ARPP21: variants seen among roughly 807,000 people sequenced by gnomAD.
ARPP21 encodes cAMP regulated phosphoprotein 21, also known as cAMP-regulated phosphoprotein 21.
ARPP21 carries 69 observed loss-of-function variants against 113.2 expected under a neutral mutation model. That is an observed-to-expected ratio of 0.61 (90% CI 0.50 to 0.74). The LOEUF (loss-of-function observed/expected upper bound fraction) is 0.74, where lower values mean the gene tolerates loss of function less well. Ranked by LOEUF, ARPP21 falls within the 30% of genes least tolerant of loss-of-function variation. The pLI is 0.00. For synonymous variants in ARPP21, 368 were observed against 375.5 expected, an observed-to-expected ratio of 0.98 and a Z score of 0.23; for missense variants, 1,070 against 1,037.4, an observed-to-expected ratio of 1.03 and a Z score of -0.43.
At chr3:35,676,823 C>A (rs1475036516) in intron 1 of ARPP21, among the ~76,000 whole-genome samples, 1 of 151,708 alleles carries the variant, frequency 6.6e-6, no homozygotes, top group African/African-American at 2.4e-5. Flanking sequence ...TTTAAAGGTT[C>A]AAAATCTTTC....
intron 19 of ARPP21, among the ~76,000 whole-genome samples, chr3:35,754,993 A>G (rs2095525369): frequency 6.6e-6 from 1 of 152,088 alleles, no homozygotes; most frequent in Non-Finnish European, 1.5e-5. Context: ...GGTGGCAAGT[A>G]AAGCATACAC....
intron 19 of ARPP21, among the ~76,000 whole-genome samples, chr3:35,758,169 T>G (rs1289607668): frequency 6.6e-6 from 1 of 152,094 alleles, no homozygotes; most frequent in Admixed American, 6.6e-5. Context: ...AACCACTCCT[T>G]GAGCCCTAGA....
chr3:35,657,700 A>C (rs947039591), intron 1 of ARPP21, among the ~76,000 whole-genome samples: 10 of 152,080 alleles, frequency 6.6e-5, no homozygotes, highest in African/African-American at 2.4e-4. Flanking sequence ...GAGTCCATGC[A>C]GATAGTCTCA....
At chr3:35,737,665 C>G (rs544783901) in intron 16 of ARPP21, among the ~76,000 whole-genome samples, 2 of 152,284 alleles carry the variant, frequency 1.3e-5, no homozygotes, top group East Asian at 3.9e-4. Flanking sequence ...CTCTCAGAGA[C>G]TGAACTCTAG....
intron 19 of ARPP21, among the ~76,000 whole-genome samples, chr3:35,778,121 A>C (rs2096425043): frequency 6.6e-6 from 1 of 152,238 alleles, no homozygotes; most frequent in African/African-American, 2.4e-5. Context: ...TTCCACTAAA[A>C]GCGTTGTTCA....
intron 13 of ARPP21, among the ~76,000 whole-genome samples, chr3:35,719,566 C>G (rs1193248977): frequency 6.6e-6 from 1 of 152,108 alleles, no homozygotes; most frequent in Admixed American, 6.6e-5. Flanking sequence ...TAGTGGTGGC[C>G]ACCTTCTTTA....
intron 19 of ARPP21, among the ~76,000 whole-genome samples, chr3:35,776,967 G>T (rs552664659): frequency 2.9e-4 from 44 of 152,194 alleles, no homozygotes; most frequent in African/African-American, 8.2e-4. Flanking sequence ...TGCTACTAGG[G>T]ATTAAAATTT....
At chr3:35,650,880 G>C (rs1447802950) in intron 1 of ARPP21, among the ~76,000 whole-genome samples, 1 of 152,076 alleles carries the variant, frequency 6.6e-6, no homozygotes. Context: ...CACAGTTTAA[G>C]GTACCTGATC....
intron 10 of ARPP21, among the ~76,000 whole-genome samples, chr3:35,708,595 A>T (rs2090046802): frequency 6.6e-6 from 1 of 152,200 alleles, no homozygotes; most frequent in Non-Finnish European, 1.5e-5. Context: ...TTTCACCGGC[A>T]TTCTGCCTCC....
chr3:35,709,135 C>A, intron 11 of ARPP21, 65 bp downstream of exon 11: 2 of 1,092,224 alleles, frequency 1.8e-6, no homozygotes, highest in South Asian at 1.4e-5. Context: ...CTTCCTCATT[C>A]CCCAGACAGC....
chr3:35,660,165 T>C (rs1353828107), intron 1 of ARPP21, among the ~76,000 whole-genome samples: 2 of 152,188 alleles, frequency 1.3e-5, no homozygotes, highest in African/African-American at 4.8e-5. Flanking sequence ...TAAATAATCA[T>C]GAGGTATCAC....
chr3:35,726,162 G>A (rs2093518800), intron 14 of ARPP21, among the ~76,000 whole-genome samples: 3 of 152,166 alleles, frequency 2.0e-5, no homozygotes, highest in Admixed American at 2.0e-4. Flanking sequence ...TATTTGTCAT[G>A]GTTATCATTA....
intron 1 of ARPP21, among the ~76,000 whole-genome samples, chr3:35,644,410 T>C (rs1364311763): frequency 6.6e-6 from 1 of 151,984 alleles, no homozygotes; most frequent in African/African-American, 2.4e-5. Context: ...TTAAATTATA[T>C]ACATAATATG....
intron 5 of ARPP21, among the ~76,000 whole-genome samples, chr3:35,686,745 A>G (rs1390095514): frequency 6.6e-6 from 1 of 151,686 alleles, no homozygotes; most frequent in Non-Finnish European, 1.5e-5. Context: ...TTACATAAGA[A>G]TAAGTGGGCT....
intron 1 of ARPP21, among the ~76,000 whole-genome samples, chr3:35,674,395 T>C (rs1356938508): frequency 6.6e-6 from 1 of 151,970 alleles, no homozygotes; most frequent in Non-Finnish European, 1.5e-5. Flanking sequence ...ACACAAGGAA[T>C]CATGAGGCCA....
intron 19 of ARPP21, among the ~76,000 whole-genome samples, chr3:35,758,477 A>G (rs985945893): frequency 6.6e-6 from 1 of 152,128 alleles, no homozygotes; most frequent in East Asian, 1.9e-4. Context: ...GTTAAAAATG[A>G]CACAATTCAA....
chr3:35,762,126 T>TCTCTCACA (rs1424526664), intron 19 of ARPP21, among the ~76,000 whole-genome samples: 3 of 126,956 alleles, frequency 2.4e-5, no homozygotes, highest in African/African-American at 8.3e-5. Flanking sequence ...TCTCTCTCTC[T>TCTCTCACA]CACACACACA....
At position 35,792,463 on chromosome 3, in the gene ARPP21, T is replaced by C; in HGVS notation, c.2219T>C (p.Ile740Thr). 6.2e-7 allele frequency: 1 copy of C among 1,614,036 alleles called. No homozygotes were observed. The highest frequency in any genetic ancestry group is 1.1e-5 in the South Asian group (1 of 91,080). The change falls in exon 20 of 21, where the codon ATA becomes ACA. Residue 740 changes from isoleucine (I) to threonine (T), a missense_variant. Physicochemically the swap from Ile to Thr is moderately conservative, Grantham distance 89. Transcript: ENST00000684406. ...VQQPPQSQNV[I>T]NNQQGTPVQS... ...CAGCCACCTCAGAGTCAGAACGTGATAAATAACCAACAAGGAACTCCGGTG... is the reference window on the plus strand; with the variant it reads ...CAGCCACCTCAGAGTCAGAACGTGACAAATAACCAACAAGGAACTCCGGTG...
chr3:35,690,996 G>A lies in ARPP21; in HGVS notation c.677G>A (p.Ser226Asn), dbSNP rs2082082828. The change falls in exon 9 of 21, where the codon AGC (serine) becomes AAC (asparagine). Residue 226 changes from serine to asparagine, a missense_variant. Coordinates refer to ENST00000684406, the MANE Select transcript of ARPP21 (RefSeq NM_001385562.1). Reference protein sequence around the residue: ...GKSVIINKTSSTRIPEQRFCE... With the variant: ...GKSVIINKTSNTRIPEQRFCE... ...TCTGTTATCATCAACAAGACCAGCAGCACCAGAATGTAAGCCCCATCACTG... is the reference window on the plus strand; with the variant it reads ...TCTGTTATCATCAACAAGACCAGCAACACCAGAATGTAAGCCCCATCACTG... 1.9e-6 allele frequency: 3 copies of A among 1,609,568 alleles called. No homozygotes were observed. Among genetic ancestry groups the A allele is most frequent in the South Asian group, 2.2e-5 (2 of 90,666 alleles).
Sources: gnomAD v4.1 joint callset for allele counts (sites outside exome capture counted in the v4.1 genomes callset) on GRCh38, gnomAD v4.1.1 for gene constraint, MANE v1.5 for transcripts, NCBI Gene and HGNC (gene_info 2026-07-23, HGNC 2026-07-21) for gene names.